Variants in ADORA2B observed in about 807,000 individuals in gnomAD.
ADORA2B encodes adenosine A2b receptor, also known as adenosine receptor A2b.
ADORA2B carries 18 observed loss-of-function variants against 20.8 expected under a neutral mutation model. The ratio of observed to expected loss-of-function variants is 0.87; its 90% CI spans 0.60 to 1.29. The LOEUF is 1.29. Among genes scored for constraint, ADORA2B ranks in the 50% most tolerant of loss-of-function variants. The pLI is 0.00. For synonymous variants in ADORA2B, 179 were observed against 178.3 expected, an observed-to-expected ratio of 1.00 and a Z score of -0.03; for missense variants, 441 against 422.7, an observed-to-expected ratio of 1.04 and a Z score of -0.38.
At chr17:15,898,448 T>G in the ADORA2B span, among the ~76,000 whole-genome samples, 2 of 139,860 alleles carry the variant, frequency 1.4e-5, no homozygotes, top group African/African-American at 5.4e-5. Flanking sequence ...TTTCTTAATC[T>G]CCCACTTTTT....
chr17:15,958,002 C>G (rs1969990223), intron 1 of ADORA2B, among the ~76,000 whole-genome samples: 1 of 151,408 alleles, frequency 6.6e-6, no homozygotes, highest in Non-Finnish European at 1.5e-5. Flanking sequence ...GAACCAGGAC[C>G]TGTCAGGTAC....
the ADORA2B span, among the ~76,000 whole-genome samples, chr17:15,866,693 C>CTCTGCCTCTGCCGCT: frequency 1.3e-5 from 2 of 151,382 alleles, no homozygotes; most frequent in African/African-American, 4.8e-5. Flanking sequence ...CTCCCTCTGC[C>CTCTGCCTCTGCCGCT]TCTGCCTCTG....
chr17:15,890,728 G>A, the ADORA2B span, among the ~76,000 whole-genome samples: 1 of 152,158 alleles, frequency 6.6e-6, no homozygotes, highest in East Asian at 1.9e-4. Flanking sequence ...CCAGTGCACG[G>A]AGCTGGCCTC....
the ADORA2B span, among the ~76,000 whole-genome samples, chr17:15,877,126 T>C: frequency 6.6e-6 from 1 of 152,248 alleles, no homozygotes; most frequent in Non-Finnish European, 1.5e-5. Context: ...ATATGTTTGC[T>C]ATCATATATT....
At chr17:15,892,958 C>G in the ADORA2B span, among the ~76,000 whole-genome samples, 1 of 152,186 alleles carries the variant, frequency 6.6e-6, no homozygotes, top group Non-Finnish European at 1.5e-5. Flanking sequence ...TGCGGTTTTG[C>G]TTTACCCCGT....
the ADORA2B span, among the ~76,000 whole-genome samples, chr17:15,861,563 T>G: frequency 6.6e-6 from 1 of 152,204 alleles, no homozygotes; most frequent in Admixed American, 6.5e-5. Context: ...TGGACCCATA[T>G]TTTAAGGAGG....
intron 1 of ADORA2B, among the ~76,000 whole-genome samples, chr17:15,945,856 G>A (rs1442318257): frequency 6.6e-6 from 1 of 152,152 alleles, no homozygotes; most frequent in East Asian, 1.9e-4. Flanking sequence ...GGCGCCCGGG[G>A]AGGCGCCGTG....
chr17:15,958,380 C>T (rs551658384), intron 1 of ADORA2B, among the ~76,000 whole-genome samples: 3 of 152,314 alleles, frequency 2.0e-5, no homozygotes, highest in African/African-American at 7.2e-5. Context: ...CACGTCTGCC[C>T]CATTCCAGGG....
chr17:15,870,920 G>GGCCTTTTC, the ADORA2B span, among the ~76,000 whole-genome samples: 1 of 152,326 alleles, frequency 6.6e-6, no homozygotes, highest in East Asian at 1.9e-4. Context: ...ACTCTATTGA[G>GGCCTTTTC]GCCTTTTCTA....
At chr17:15,957,650 G>A (rs907605534) in intron 1 of ADORA2B, among the ~76,000 whole-genome samples, 1 of 152,118 alleles carries the variant, frequency 6.6e-6, no homozygotes, top group Non-Finnish European at 1.5e-5. Context: ...AGTAGTGGTC[G>A]AGTCTTGGGG....
At chr17:15,881,197 G>A in the ADORA2B span, among the ~76,000 whole-genome samples, 2 of 152,262 alleles carry the variant, frequency 1.3e-5, no homozygotes, top group Admixed American at 6.5e-5. Context: ...TGCCTCCCGG[G>A]TTCAAGTGAT....
chr17:15,945,019 G>A, upstream of ADORA2B: 1 of 307,332 alleles, frequency 3.3e-6, no homozygotes, highest in Non-Finnish European at 5.9e-6. Flanking sequence ...AGTGGGTGGT[G>A]CTCCGCCCAG....
chr17:15,920,974 G>A, the ADORA2B span, among the ~76,000 whole-genome samples: 9 of 152,284 alleles, frequency 5.9e-5, no homozygotes, highest in Non-Finnish European at 8.8e-5. Context: ...AAATTCTCTC[G>A]CTCTGGAATT....
the ADORA2B span, among the ~76,000 whole-genome samples, chr17:15,906,927 G>A: frequency 2.6e-5 from 4 of 152,182 alleles, no homozygotes; most frequent in Middle Eastern, 3.2e-3. Context: ...GTGTATAACT[G>A]TGAATATTGA....
chr17:15,972,118 TCTAC>T (rs1970195209), intron 1 of ADORA2B, among the ~76,000 whole-genome samples: 1 of 152,142 alleles, frequency 6.6e-6, no homozygotes, highest in Admixed American at 6.5e-5. Context: ...AGTGGCCACC[TCTAC>T]CTAAGAGGTG....
At chr17:15,858,182 T>C in the ADORA2B span, among the ~76,000 whole-genome samples, 1 of 152,218 alleles carries the variant, frequency 6.6e-6, no homozygotes, top group Non-Finnish European at 1.5e-5. Context: ...GGAACCTCCA[T>C]ACTGTTTTCC....
the ADORA2B span, among the ~76,000 whole-genome samples, chr17:15,871,054 G>A: frequency 1.3e-5 from 2 of 152,176 alleles, no homozygotes; most frequent in Admixed American, 1.3e-4. Flanking sequence ...CCGTGTTGTG[G>A]GAGACACAGT....
rs1375458987 is a variant in ADORA2B at position 15,945,279 on chromosome 17, G to A, written c.31G>A (p.Val11Met). 7 of 1,523,252 alleles carry A rather than the reference G, an allele frequency of 4.6e-6. No individual in the cohort carries two copies. Among genetic ancestry groups the A allele is most frequent in the South Asian group, 2.5e-5 (2 of 80,510 alleles). The allele number at this position is 1,523,252 out of a possible 1,614,324, so 94.4% of individuals were successfully genotyped here. Residue 11 changes from valine to methionine, a missense_variant, in exon 1 of 2, where the codon GTG becomes ATG. Coordinates refer to ENST00000304222, the MANE Select transcript of ADORA2B (RefSeq NM_000676.4). ...GCTGGAGACACAGGACGCGCTGTAC[G>A]TGGCGCTGGAGCTGGTCATCGCCGC... Reference protein sequence around the residue: MLLETQDALYVALELVIAALS... With the variant: MLLETQDALYMALELVIAALS...
the ADORA2B span, among the ~76,000 whole-genome samples, chr17:15,854,261 A>G: frequency 6.6e-6 from 1 of 152,192 alleles, no homozygotes; most frequent in Non-Finnish European, 1.5e-5. Flanking sequence ...GGCCTCAGAG[A>G]TACATTTAAA....
Sources: gnomAD v4.1 joint callset for allele counts (sites outside exome capture counted in the v4.1 genomes callset) on GRCh38, gnomAD v4.1.1 for gene constraint, MANE v1.5 for transcripts, NCBI Gene and HGNC (gene_info 2026-07-23, HGNC 2026-07-21) for gene names.